Variants in HAO2 observed in about 807,000 individuals in gnomAD.
HAO2 encodes the protein hydroxyacid oxidase 2.
Under a neutral mutation model 37.4 loss-of-function variants are expected in HAO2, and 42 were observed. The observed-to-expected ratio is 1.12, with a 90% CI of 0.88 to 1.45. The LOEUF (loss-of-function observed/expected upper bound fraction) is 1.45, where lower values mean the gene tolerates loss of function less well. HAO2 is among the 40% of genes most tolerant of loss of function. HAO2 has a pLI of 0.00. For missense variants in HAO2, 476 were observed against 430.2 expected (o/e 1.11, Z -0.94); for synonymous variants, 180 against 162.8 (o/e 1.11, Z -0.81).
At chr1:119,374,202 C>G (rs993962614) in intron 1 of HAO2, among the ~76,000 whole-genome samples, 10 of 152,220 alleles carry the variant, frequency 6.6e-5, no homozygotes, top group Non-Finnish European at 2.9e-5. Flanking sequence ...GTCACAGGAG[C>G]ATTTTCCAGT....
intron 1 of HAO2, chr1:119,370,094 T>C (rs1648858996): frequency 1.3e-5 from 2 of 152,180 alleles, no homozygotes; most frequent in South Asian, 4.1e-4. Context: ...CTTTGCCTTC[T>C]TGAGGATGGA....
chr1:119,390,296 C>A (rs370465175), intron 5 of HAO2, among the ~76,000 whole-genome samples: 1 of 152,122 alleles, frequency 6.6e-6, no homozygotes, highest in East Asian at 1.9e-4. Context: ...TTGTCACCCA[C>A]GCTGGAGGGC....
intron 2 of HAO2, among the ~76,000 whole-genome samples, 166 bp downstream of exon 2, chr1:119,381,382 G>T (rs1649927941): frequency 6.6e-6 from 1 of 152,124 alleles, no homozygotes; most frequent in Non-Finnish European, 1.5e-5. Context: ...AGGGGAGGGA[G>T]GGCTGATGGG....
chr1:119,382,842 G>C, intron 2 of HAO2, 73 bp from the exon 3 acceptor site: 1 of 1,429,146 alleles, frequency 7.0e-7, no homozygotes. Context: ...AATCAGGGGG[G>C]TCCACCCCAG....
Position 119,385,051 on chromosome 1 carries a change from A to C in HAO2, c.559A>C (p.Lys187Gln), listed in dbSNP as rs140350602. 483 of 1,604,938 alleles carry C rather than the reference A, an allele frequency of 3.0e-4. 1 individual carries two copies. Among genetic ancestry groups the C allele is most frequent in the Non-Finnish European group, 3.9e-4 (459 of 1,172,858 alleles). ...LTLTDLQSPK[K>Q]GNAIPYFQMT... ...ACTAACAGATCTTCAATCACCTAAA[A>C]AGGTAAGAAAGATACCAAATTCGAT... Residue 187 changes from lysine (K) to glutamine (Q), a missense_variant and splice_region_variant, in exon 4 of 8, where the codon AAG becomes CAG. Coordinates refer to ENST00000325945, the MANE Select transcript of HAO2 (RefSeq NM_016527.4).
intron 1 of HAO2, among the ~76,000 whole-genome samples, chr1:119,369,497 A>G (rs376951496): frequency 4.4e-4 from 67 of 152,358 alleles, no homozygotes; most frequent in African/African-American, 1.4e-3. Context: ...AGGTACTGGT[A>G]TAAAGATAGA....
At position 119,386,615 on chromosome 1, in the gene HAO2, C is replaced by T. The variant is rs983395008; in HGVS notation, c.562-7C>T. 1 of 1,569,312 alleles carries T rather than the reference C, an allele frequency of 6.4e-7. No individual in the cohort carries two copies. Among genetic ancestry groups the T allele is most frequent in the African/African-American group, 1.3e-5 (1 of 74,218 alleles). On this transcript the variant is annotated splice_region_variant and splice_polypyrimidine_tract_variant and intron_variant, in intron 4 of 7. Coordinates refer to ENST00000325945, the MANE Select transcript of HAO2 (RefSeq NM_016527.4). ...TCAGGACTAAGTTCCCTTTTTATTT[C>T]CTATAGGGAAATGCAATACCTTATT...
At chr1:119,371,520 AG>A (rs1649010425) in intron 1 of HAO2, among the ~76,000 whole-genome samples, 1 of 152,200 alleles carries the variant, frequency 6.6e-6, no homozygotes, top group Non-Finnish European at 1.5e-5. Context: ...TAATCCTCTA[AG>A]GTCCGTGCCA....
chr1:119,383,313 T>C (rs2298028), intron 3 of HAO2, among the ~76,000 whole-genome samples: 100,171 of 152,114 alleles, frequency 0.66, 33,134 homozygotes, highest in East Asian at 0.7. Flanking sequence ...GTGCTAAAAT[T>C]TAACCAAGTC....
Position 119,381,222 on chromosome 1 carries a change from G to T in HAO2, c.131+6G>T, listed in dbSNP as rs1478068415. On this transcript the variant is annotated splice_donor_region_variant and intron_variant, in intron 2 of 7. Transcript: ENST00000325945. ...AACATTGCAGCATTTAAAAGGTGTGGTCTTCTGTAGCCTGTCTATTGTTAG... is the reference window on the plus strand; with the variant it reads ...AACATTGCAGCATTTAAAAGGTGTGTTCTTCTGTAGCCTGTCTATTGTTAG... 10 of 1,603,838 alleles carry T rather than the reference G, an allele frequency of 6.2e-6. No individual in the cohort carries two copies. The highest frequency in any genetic ancestry group is 8.5e-6 in the Non-Finnish European group (10 of 1,170,776).
At chr1:119,369,567 T>G (rs1437340510) in intron 1 of HAO2, among the ~76,000 whole-genome samples, 3 of 152,180 alleles carry the variant, frequency 2.0e-5, no homozygotes, top group Non-Finnish European at 4.4e-5. Context: ...CCGCAAACTT[T>G]TATTCTTAAC....
intron 4 of HAO2, chr1:119,386,034 C>T (rs1236081556): frequency 3.4e-6 from 1 of 296,618 alleles, no homozygotes; most frequent in East Asian, 1.7e-4. Flanking sequence ...AAAGTAGAAA[C>T]TTTGTCTTAT....
chr1:119,372,977 C>G (rs1006893120), intron 1 of HAO2, among the ~76,000 whole-genome samples: 11 of 152,154 alleles, frequency 7.2e-5, no homozygotes, highest in African/African-American at 2.7e-4. Context: ...TTTCAGGTGG[C>G]TTCAAATCTA....
At chr1:119,379,824 A>G (rs1649775911) in intron 1 of HAO2, among the ~76,000 whole-genome samples, 1 of 152,094 alleles carries the variant, frequency 6.6e-6, no homozygotes, top group African/African-American at 2.4e-5. Context: ...TGACTTCAAC[A>G]GAATCTGGCT....
At chr1:119,384,467 T>C (rs1650215803) in intron 3 of HAO2, among the ~76,000 whole-genome samples, 1 of 152,196 alleles carries the variant, frequency 6.6e-6, no homozygotes, top group Admixed American at 6.5e-5. Flanking sequence ...AGAGGCCCAG[T>C]TGCCTGTCTG....
chr1:119,373,338 TAA>T (rs1649184532), intron 1 of HAO2, among the ~76,000 whole-genome samples: 1 of 152,192 alleles, frequency 6.6e-6, no homozygotes, highest in Admixed American at 6.5e-5. Flanking sequence ...AAGCTAATTC[TAA>T]GTTATATTGC....
intron 1 of HAO2, among the ~76,000 whole-genome samples, chr1:119,378,976 T>C (rs1649699666): frequency 1.3e-5 from 2 of 152,122 alleles, no homozygotes; most frequent in African/African-American, 4.8e-5. Flanking sequence ...TGGTTCTTCA[T>C]TAGGAGGAAC....
intron 5 of HAO2, among the ~76,000 whole-genome samples, chr1:119,389,357 T>C (rs1308060383): frequency 6.6e-6 from 1 of 150,572 alleles, no homozygotes; most frequent in East Asian, 2.0e-4. Context: ...TTTAGTTCTA[T>C]AAGGAATCTC....
chr1:119,384,769 T>A lies in HAO2; in HGVS notation c.284-7T>A. 1 of 1,613,432 alleles carries A rather than the reference T, an allele frequency of 6.2e-7. No homozygotes were observed. The highest frequency in any genetic ancestry group is 8.5e-7 in the Non-Finnish European group (1 of 1,179,634). ...CTCCAGCCTGAGTCATGTCCTTTGC[T>A]TTACAGCTGCCCAAGCGGCTGGTAT... On this transcript the variant is annotated splice_region_variant and splice_polypyrimidine_tract_variant and intron_variant, in intron 3 of 7. Transcript: ENST00000325945.
Sources: allele counts gnomAD v4.1 joint callset (sites outside exome capture counted in the v4.1 genomes callset), GRCh38; gene constraint gnomAD v4.1.1; transcripts MANE v1.5; gene names NCBI Gene and HGNC (gene_info 2026-07-23, HGNC 2026-07-21).